Variants in DNM1L observed in about 807,000 individuals in gnomAD.
DNM1L encodes the protein dynamin 1L, also known as dynamin-1-like protein.
Under a neutral mutation model 92.8 loss-of-function variants are expected in DNM1L, and 33 were observed. The observed-to-expected ratio is 0.36, with a 90% confidence interval of 0.27 to 0.48. The LOEUF (loss-of-function observed/expected upper bound fraction) is 0.48. Among genes scored for constraint, DNM1L ranks in the 20% least tolerant of loss-of-function variants. The pLI is 0.99. For synonymous variants in DNM1L, 284 were observed against 305.0 expected (o/e 0.93, Z 0.72); for missense variants, 485 against 888.8 (o/e 0.55, Z 5.78).
intron 5 of DNM1L, among the ~76,000 whole-genome samples, chr12:32,712,740 T>TA (rs932320550): frequency 6.6e-6 from 1 of 151,380 alleles, no homozygotes; most frequent in Non-Finnish European, 1.5e-5. Context: ...CCACAGCCCT[T>TA]ACCACCATCT....
At chr12:32,716,646 C>G (rs1160170383) in intron 6 of DNM1L, among the ~76,000 whole-genome samples, 1 of 150,574 alleles carries the variant, frequency 6.6e-6, no homozygotes, top group East Asian at 1.9e-4. Flanking sequence ...TTTTGAAATG[C>G]TTACAAAATA....
At chr12:32,726,404 GT>G in intron 9 of DNM1L, 1 of 1,573,010 alleles carries the variant, frequency 6.4e-7, no homozygotes, top group Non-Finnish European at 8.7e-7. Flanking sequence ...ACTCTGCTGG[GT>G]TTTGATCCTT....
In DNM1L at chr12:32,705,931, TA is replaced by T. The variant is rs1342007740; in HGVS notation, c.251-1435del. 12 of 1,402,088 alleles carry T rather than the reference TA, an allele frequency of 8.6e-6. No individual in the cohort carries two copies. The African/African-American group carries it at 1.6e-4, about 19-fold the overall frequency. The allele number at this position is 1,402,088 out of a possible 1,614,324, so 86.9% of individuals were successfully genotyped here. A position where few individuals can be genotyped will look rare whatever the true frequency, so the allele number is the denominator to read the frequency against. Reference sequence around the variant, plus strand: ...GCCTGCATGTGTGCTTATGTACTATTACAGGCTGTGTGTATTTTTTTTTCTT... The same window carrying T: ...GCCTGCATGTGTGCTTATGTACTATTCAGGCTGTGTGTATTTTTTTTTCTT... On this transcript the variant is annotated intron_variant, in intron 2 of 19. Transcript: ENST00000549701.
chr12:32,738,037 T>C, intron 15 of DNM1L, 95 bp downstream of exon 15: 1 of 1,361,504 alleles, frequency 7.3e-7, no homozygotes, highest in Non-Finnish European at 1.0e-6. Flanking sequence ...AATATTAATA[T>C]GGGATACTGT....
intron 8 of DNM1L, 40 bp from the exon 9 acceptor site, chr12:32,722,387 C>A: frequency 6.4e-7 from 1 of 1,574,640 alleles, no homozygotes. Context: ...TTAGAATACA[C>A]AATTTTACTT....
At position 32,744,828 on chromosome 12, in the gene DNM1L, A is replaced by G. The variant is rs1188407339; in HGVS notation, c.*1418A>G. On this transcript the variant is annotated 3_prime_UTR_variant, in exon 20 of 20. Coordinates refer to ENST00000549701, the MANE Select transcript of DNM1L (RefSeq NM_012062.5). The stretch of plus-strand genomic sequence containing the variant: ...TTTAGAACATATACATATTTTGTTA[A>G]AATTCCCCAGATGATTCTTGGTATG... 2.1e-6 allele frequency: 1 copy of G among 478,514 alleles called. No homozygotes were observed. The allele number at this position is 478,514 out of a possible 1,614,324, so 29.6% of individuals were successfully genotyped here.
In DNM1L at chr12:32,720,071, G is replaced by C. The variant is rs148174704; in HGVS notation, c.741-593G>C. Among the ~76,000 whole-genome samples the C allele has an allele frequency of 9.5e-4, 144 of 152,260 alleles. 1 individual carries two copies. Among genetic ancestry groups the C allele is most frequent in the African/African-American group, 3.3e-3 (137 of 41,548 alleles). On this transcript the variant is annotated intron_variant, in intron 7 of 19. Transcript: ENST00000549701. ...GAAAATGAAAATGTTTTTACTGCCT[G>C]ATACATAAGATCCATTCCAGTTGTC...
At chr12:32,741,442 T>C (rs1295908866) in intron 18 of DNM1L, among the ~76,000 whole-genome samples, 2 of 152,176 alleles carry the variant, frequency 1.3e-5, no homozygotes, top group East Asian at 1.9e-4. Flanking sequence ...TGCACCACCA[T>C]GCCCAGCTAA....
At chr12:32,694,225 A>T (rs2137263364) in intron 1 of DNM1L, among the ~76,000 whole-genome samples, 1 of 152,270 alleles carries the variant, frequency 6.6e-6, no homozygotes, top group South Asian at 2.1e-4. Context: ...AGCTGGGACT[A>T]CAGGTGCGTG....
At position 32,737,892 on chromosome 12, in the gene DNM1L, C is replaced by T. The variant is rs535907248; in HGVS notation, c.1624C>T (p.Pro542Ser). The T allele has an allele frequency of 1.9e-6, 3 of 1,614,046 alleles. No individual in the cohort carries two copies. The highest frequency in any genetic ancestry group is 2.2e-5 in the South Asian group (2 of 91,078). Residue 542 changes from proline (P) to serine (S), a missense_variant, in exon 15 of 20, where the codon CCT becomes TCT. This residue lies in a region of DNM1L where 65 missense variants were observed against 59.4 expected (regional missense o/e 1.09). Transcript: ENST00000549701. ...TTCTAAAGTTCCAAGTGCTTTGGCA[C>T]CTGCCTCCCAGGAGCCCTCCCCCGC... ...KSSKVPSALA[P>S]ASQEPSPAAS...
intron 1 of DNM1L, among the ~76,000 whole-genome samples, chr12:32,681,808 A>G (rs908832929): frequency 7.9e-5 from 12 of 151,996 alleles, no homozygotes; most frequent in Non-Finnish European, 2.9e-5. Context: ...TCTGCCTAGT[A>G]TACCTATCGG....
intron 1 of DNM1L, among the ~76,000 whole-genome samples, chr12:32,684,861 T>G (rs541146846): frequency 6.6e-6 from 1 of 152,298 alleles, no homozygotes; most frequent in African/African-American, 2.4e-5. Flanking sequence ...GATGAATTTT[T>G]GGGTTGTTTC....
At chr12:32,696,873 C>G (rs1252431749) in intron 1 of DNM1L, among the ~76,000 whole-genome samples, 4 of 111,222 alleles carry the variant, frequency 3.6e-5, no homozygotes, top group Middle Eastern at 0.011. Context: ...GATCTGCCCA[C>G]CTCGGCCTCC....
At position 32,731,968 on chromosome 12, in the gene DNM1L, T is replaced by A; in HGVS notation, c.1446+25T>A. The A allele has an allele frequency of 1.3e-6, 2 of 1,554,338 alleles. No individual in the cohort carries two copies. Among genetic ancestry groups the A allele is most frequent in the Non-Finnish European group, 8.9e-7 (1 of 1,126,272 alleles). On this transcript the variant is annotated intron_variant, in intron 12 of 19. Transcript: ENST00000549701. The surrounding 1 kb of genome is among the most constrained non-coding windows in gnomAD (Gnocchi z 5.1). ...GGTGAGCTACTATAGCATAGATCAT[T>A]GTAATTACTATTAGTAAAAGTTTAA...
rs766349899 is a variant in DNM1L, at chr12:32,740,376, A to C, written c.1885-33A>C. 7.5e-6 allele frequency: 12 copies of C among 1,610,722 alleles called. No homozygotes were observed. The Admixed American group carries it at 1.3e-4, about 18-fold the overall frequency. On this transcript the variant is annotated intron_variant, in intron 17 of 19. Transcript: ENST00000549701. ...TAAAGCTGCCATTTTAGTGTCACAAAAGTAATATTTTTTCCCCCTCATCCC... is the reference window on the plus strand; with the variant it reads ...TAAAGCTGCCATTTTAGTGTCACAACAGTAATATTTTTTCCCCCTCATCCC...
chr12:32,694,376 G>A (rs1952352690), intron 1 of DNM1L, among the ~76,000 whole-genome samples: 1 of 152,168 alleles, frequency 6.6e-6, no homozygotes, highest in Non-Finnish European at 1.5e-5. Context: ...GAGCCACCGC[G>A]CCCGGCCATA....
chr12:32,679,897 G>T, intron 1 of DNM1L: 2 of 987,796 alleles, frequency 2.0e-6, no homozygotes, highest in Non-Finnish European at 2.4e-6. Flanking sequence ...GTTGGCTTTC[G>T]TGAGACGGGT....
intron 1 of DNM1L, 55 bp downstream of exon 1, chr12:32,679,520 G>T: frequency 1.1e-5 from 17 of 1,537,752 alleles, no homozygotes; most frequent in Non-Finnish European, 1.5e-5. Flanking sequence ...AGGCCTGGTC[G>T]GTGCTGCGGC....
intron 9 of DNM1L, among the ~76,000 whole-genome samples, chr12:32,724,569 CT>C (rs1406096989): frequency 2.2e-5 from 2 of 90,668 alleles, no homozygotes; most frequent in Non-Finnish European, 4.0e-5. Flanking sequence ...GAGAGAGACT[CT>C]ATCTCCAAAA....
Sources: gnomAD v4.1 joint callset for allele counts (sites outside exome capture counted in the v4.1 genomes callset) on GRCh38, gnomAD v4.1.1 for gene constraint, gnomAD v4.1.1 regional missense constraint, Gnocchi (gnomAD v3.1) non-coding constraint, MANE v1.5 for transcripts, NCBI Gene and HGNC (gene_info 2026-07-23, HGNC 2026-07-21) for gene names.